The following ADGRL1 variants were observed in gnomAD, a reference collection of about 807,000 sequenced individuals.
ADGRL1 encodes the protein adhesion G protein-coupled receptor L1, also known as CIRL-1.
A neutral mutation model predicts 148.9 loss-of-function variants in ADGRL1; 31 were observed. The observed-to-expected ratio is 0.21, with a 90% confidence interval of 0.16 to 0.28. The LOEUF (loss-of-function observed/expected upper bound fraction) is 0.28, where lower values mean the gene tolerates loss of function less well. ADGRL1 is among the 10% of genes least tolerant of loss of function. The pLI, the probability that ADGRL1 is intolerant of heterozygous loss-of-function variation, is 1.00. For synonymous variants in ADGRL1, 937 were observed against 900.3 expected, an observed-to-expected ratio of 1.04 and a Z score of -0.73; for missense variants, 1,521 against 2,058.8, an observed-to-expected ratio of 0.74 and a Z score of 5.05.
intron 2 of ADGRL1, among the ~76,000 whole-genome samples, chr19:14,182,285 G>C (rs970259687): frequency 1.3e-5 from 2 of 152,248 alleles, no homozygotes; most frequent in African/African-American, 4.8e-5. Flanking sequence ...CTGCACAACA[G>C]AGGGTGCCTG....
Position 14,151,467 on chromosome 19 carries a change from C to G in ADGRL1, c.3816G>C (p.Ala1272=). The G allele has an allele frequency of 1.2e-6, 2 of 1,612,768 alleles. No homozygotes were observed. Among genetic ancestry groups the G allele is most frequent in the Non-Finnish European group, 1.7e-6 (2 of 1,179,636 alleles). The change falls in exon 23 of 23, where the codon GCG becomes GCC. Residue 1272 remains alanine (A), a synonymous_variant. Transcript: ENST00000361434. ...AGATGATCATCTTCTCAAAGGCCGCCGCATCGGCTAGGTTCCGGCCTCGGG... is the reference window on the plus strand; with the variant it reads ...AGATGATCATCTTCTCAAAGGCCGCGGCATCGGCTAGGTTCCGGCCTCGGG... ...EPPRGRNLAD[A]AAFEKMIISE...
At chr19:14,180,040 T>A (rs1457097647) in intron 2 of ADGRL1, among the ~76,000 whole-genome samples, 1 of 152,104 alleles carries the variant, frequency 6.6e-6, no homozygotes, top group Non-Finnish European at 1.5e-5. Flanking sequence ...GCCCTGTAGG[T>A]GGTCTATCAG....
chr19:14,151,528 C>G lies in ADGRL1; in HGVS notation c.3755G>C (p.Gly1252Ala). Residue 1252 changes from glycine to alanine, a missense_variant, in exon 23 of 23, where the codon GGG (glycine) becomes GCG (alanine). Physicochemically the swap from Gly to Ala is moderately conservative, Grantham distance 60 (BLOSUM62 0). Coordinates refer to ENST00000361434, the MANE Select transcript of ADGRL1 (RefSeq NM_014921.5). ...NFNNSYSLRSGDFPPGDGGPE... is the reference protein window; with the variant it reads ...NFNNSYSLRSADFPPGDGGPE... ...GCCCCCATCCCCGGGAGGGAAATCC[C>G]CACTTCGCAAGGAGTAACTGTTATT... 1 of 1,611,312 alleles carries G rather than the reference C, an allele frequency of 6.2e-7. No individual in the cohort carries two copies. The highest frequency in any genetic ancestry group is 1.3e-5 in the African/African-American group (1 of 74,978).
At chr19:14,200,263 G>A (rs1321463745) in intron 1 of ADGRL1, among the ~76,000 whole-genome samples, 1 of 152,228 alleles carries the variant, frequency 6.6e-6, no homozygotes, top group African/African-American at 2.4e-5. Flanking sequence ...GTGAGCTGGT[G>A]AGGAGAGTGG....
chr19:14,157,316 G>A lies in ADGRL1; in HGVS notation c.2680C>T (p.Leu894=). ...QTDRNTIHKN[L]CINLFLAELL... ...TCAGCCAGGAAGAGGTTGATGCACA[G>A]GTTCTTGTGGATGGTGTTGCGGTCG... Residue 894 remains leucine (L), a synonymous_variant, in exon 14 of 23, where the codon CTG becomes TTG. Transcript: ENST00000361434. This position sits in a 1 kb window ranked among gnomAD's most constrained non-coding sequence, Gnocchi z 7.5. 1 of 1,614,206 alleles carries A rather than the reference G, an allele frequency of 6.2e-7. No homozygotes were observed. The highest frequency in any genetic ancestry group is 8.5e-7 in the Non-Finnish European group (1 of 1,180,030).
At position 14,161,398 on chromosome 19, in the gene ADGRL1, CAGA is replaced by C. The variant is rs1969357418; in HGVS notation, c.1421_1423del (p.Phe474del). 1 of 1,578,286 alleles carries C rather than the reference CAGA, an allele frequency of 6.3e-7. No homozygotes were observed. The highest frequency in any genetic ancestry group is 1.9e-5 in the Admixed American group (1 of 53,576). On this transcript the variant is annotated inframe_deletion, in exon 6 of 23. Transcript: ENST00000361434. This position sits in a 1 kb window ranked among gnomAD's most constrained non-coding sequence, Gnocchi z 4.4. ...GACCCGCCGTACCTCTCGGGGCTCG[CAGA>C]AGAGCTCAGGGGACACGTGTAGATT...
chr19:14,157,356 C>T lies in ADGRL1; in HGVS notation c.2640G>A (p.Leu880=). The T allele has an allele frequency of 6.2e-7, 1 of 1,614,202 alleles. No homozygotes were observed. Among genetic ancestry groups the T allele is most frequent in the Non-Finnish European group, 8.5e-7 (1 of 1,180,028 alleles). The change falls in exon 14 of 23, where the codon CTG becomes CTA. Residue 880 remains leucine, a synonymous_variant. Coordinates refer to ENST00000361434, the MANE Select transcript of ADGRL1 (RefSeq NM_014921.5). The surrounding 1 kb of genome is among the most constrained non-coding windows in gnomAD (Gnocchi z 7.5). ...TGTTGCGGTCGGTCTGCAGCCCCCG[C>T]AGGAAGCAGAAGGTGGAGATGCAGA... is the stretch of plus-strand genomic sequence containing the variant. ...LAICISTFCF[L]RGLQTDRNTI...
chr19:14,196,762 T>C (rs1009850669), intron 1 of ADGRL1, among the ~76,000 whole-genome samples: 3 of 152,108 alleles, frequency 2.0e-5, no homozygotes, highest in Admixed American at 6.6e-5. Flanking sequence ...TCCTCAAACA[T>C]CACTAGTTCA....
In ADGRL1 at chr19:14,150,761, GGA is replaced by G. The variant is rs1007493450; in HGVS notation, c.*110_*111del. ...TAGGGCCCATGGCTGAGGGGCACCT[GGA>G]GAGAGTGGCCCACCAGCCACTGCCT... On this transcript the variant is annotated 3_prime_UTR_variant, in exon 23 of 23. Coordinates refer to ENST00000361434, the MANE Select transcript of ADGRL1 (RefSeq NM_014921.5). 5.4e-5 allele frequency: 72 copies of G among 1,325,194 alleles called. No homozygotes were observed. The highest frequency in any genetic ancestry group is 7.3e-5 in the Non-Finnish European group (71 of 968,406). The allele number at this position is 1,325,194 out of a possible 1,614,324, so 82.1% of individuals were successfully genotyped here.
At chr19:14,172,147 C>T (rs141148749) in intron 3 of ADGRL1, among the ~76,000 whole-genome samples, 14 of 152,252 alleles carry the variant, frequency 9.2e-5, no homozygotes, top group Non-Finnish European at 1.6e-4. Context: ...ACTGGCTGGG[C>T]GTGGTGGCTC....
chr19:14,173,938 C>T (rs1366414432), intron 3 of ADGRL1, among the ~76,000 whole-genome samples: 4 of 126,496 alleles, frequency 3.2e-5, no homozygotes, highest in African/African-American at 3.4e-5. Context: ...AGCAAGACTC[C>T]GTCTCAAAAA....
rs1969149440 is a variant in ADGRL1, at chr19:14,159,770, G to A, written c.1804C>T (p.His602Tyr). 1 of 1,613,608 alleles carries A rather than the reference G, an allele frequency of 6.2e-7. No individual in the cohort carries two copies. The highest frequency in any genetic ancestry group is 1.7e-5 in the Admixed American group (1 of 60,002). Residue 602 changes from histidine (H) to tyrosine (Y), a missense_variant, in exon 9 of 23, where the codon CAC becomes TAC. His to Tyr is a moderately conservative substitution (Grantham distance 83, BLOSUM62 2). This residue lies in a region of ADGRL1 where 265 missense variants were observed against 431.9 expected (regional missense o/e 0.61). Coordinates refer to ENST00000361434, the MANE Select transcript of ADGRL1 (RefSeq NM_014921.5). The surrounding 1 kb of genome is among the most constrained non-coding windows in gnomAD (Gnocchi z 6.0). ...TCCTTACAAGTTCTCTCTCGCTTGT[G>A]CATCTAGAAAGAGATGGAGGTGATG... ...ESAGKNYNKM[H>Y]KRERTCKDYI...
chr19:14,157,018 G>T lies in ADGRL1; in HGVS notation c.2873C>A (p.Thr958Asn). The change falls in exon 15 of 23, where the codon ACC becomes AAC. Residue 958 changes from threonine to asparagine, a missense_variant. By Grantham distance (65) the Thr-to-Asn change is moderately conservative. This residue lies in a region of ADGRL1 where 185 missense variants were observed against 251.7 expected (regional missense o/e 0.74). Transcript: ENST00000361434. This position sits in a 1 kb window ranked among gnomAD's most constrained non-coding sequence, Gnocchi z 7.5. ...GTAGCCACCCAGGTAGTAGTACTTG[G>T]TGCGGGAATACTCGCTCTCAAACAC... ...VEVFESEYSR[T>N]KYYYLGGYCF... 6.2e-7 allele frequency: 1 copy of T among 1,613,988 alleles called. No homozygotes were observed. Among genetic ancestry groups the T allele is most frequent in the Non-Finnish European group, 8.5e-7 (1 of 1,179,974 alleles).
In ADGRL1 at chr19:14,162,886, G is replaced by A. The variant is rs199904830; in HGVS notation, c.915C>T (p.Tyr305=). 2.6e-4 allele frequency: 421 copies of A among 1,613,702 alleles called. No homozygotes were observed. Among genetic ancestry groups the A allele is most frequent in the Admixed American group, 3.8e-4 (23 of 59,960 alleles). The stretch of plus-strand genomic sequence containing the variant: ...AGGCGTTGGATGCCGAGCGCTTGTC[G>A]TAACCCGTCTCCCACGTGCCCTCAA... ...LRFEGTWETG[Y]DKRSASNAFM... is the part of the protein sequence containing the mutation. The change falls in exon 5 of 23, where the codon TAC becomes TAT. Residue 305 remains tyrosine, a synonymous_variant. Coordinates refer to ENST00000361434, the MANE Select transcript of ADGRL1 (RefSeq NM_014921.5). The surrounding 1 kb of genome is among the most constrained non-coding windows in gnomAD (Gnocchi z 5.4).
intron 1 of ADGRL1, among the ~76,000 whole-genome samples, chr19:14,194,409 T>C (rs1263848923): frequency 6.6e-6 from 1 of 152,132 alleles, no homozygotes; most frequent in East Asian, 1.9e-4. Context: ...AACGACAGGG[T>C]GAGCATCTAG....
At chr19:14,204,740 GAC>G (rs1276358496) in intron 1 of ADGRL1, among the ~76,000 whole-genome samples, 28 of 142,638 alleles carry the variant, frequency 2.0e-4, no homozygotes, top group African/African-American at 6.2e-4. Context: ...GAGAGAGAGA[GAC>G]AGACAGAGAG....
chr19:14,204,562 G>A (rs1393336857), intron 1 of ADGRL1, among the ~76,000 whole-genome samples: 1 of 152,060 alleles, frequency 6.6e-6, no homozygotes, highest in African/African-American at 2.4e-5. Flanking sequence ...ACAGCATGGA[G>A]GTCAACGGCC....
intron 1 of ADGRL1, among the ~76,000 whole-genome samples, chr19:14,204,011 C>G (rs1245491550): frequency 6.6e-6 from 1 of 151,324 alleles, no homozygotes; most frequent in East Asian, 1.9e-4. Context: ...TGAGCGCACA[C>G]GTATGTCGCA....
intron 3 of ADGRL1, among the ~76,000 whole-genome samples, chr19:14,171,867 G>A (rs1005467428): frequency 6.6e-6 from 1 of 152,246 alleles, no homozygotes; most frequent in African/African-American, 2.4e-5. Flanking sequence ...CCCACTGTCA[G>A]GGTCTCTGTC....
Sources: gnomAD v4.1 joint callset for allele counts (sites outside exome capture counted in the v4.1 genomes callset) on GRCh38, gnomAD v4.1.1 for gene constraint, gnomAD v4.1.1 regional missense constraint, Gnocchi (gnomAD v3.1) non-coding constraint, MANE v1.5 for transcripts, NCBI Gene and HGNC (gene_info 2026-07-23, HGNC 2026-07-21) for gene names.